The following EXOC6B variants were observed in gnomAD, a reference collection of about 807,000 sequenced individuals.
The protein encoded by EXOC6B is exocyst complex component 6B.
In EXOC6B, 54 loss-of-function variants were observed where a neutral mutation model predicts 113.5. That is an observed-to-expected ratio of 0.48 (90% CI 0.38 to 0.60). The LOEUF (loss-of-function observed/expected upper bound fraction) is 0.60, where lower values mean the gene tolerates loss of function less well. EXOC6B is among the 20% of genes least tolerant of loss of function. The pLI, the probability that EXOC6B is intolerant of heterozygous loss-of-function variation, is 0.00. For missense variants in EXOC6B, 797 were observed against 977.5 expected, an observed-to-expected ratio of 0.82 and a Z score of 2.46; for synonymous variants, 357 against 339.0, an observed-to-expected ratio of 1.05 and a Z score of -0.58.
chr2:72,508,184 A>AAAAAAAAAAAC lies in EXOC6B; in HGVS notation c.1167+4947_1167+4948insGTTTTTTTTTT, dbSNP rs923877882. On this transcript the variant is annotated intron_variant, in intron 11 of 21. Transcript: ENST00000272427. Reference sequence around the variant, plus strand: ...CCCGCAAAAAAAAAAAAAAAAAAAAAACACCTAAAAACAGTACTTTGATGG... The same window carrying AAAAAAAAAAAC: ...CCCGCAAAAAAAAAAAAAAAAAAAAAAAAAAAAAAACACACCTAAAAACAGTACTTTGATGG... Among the ~76,000 whole-genome samples the AAAAAAAAAAAC allele has an allele frequency of 9.8e-3, 866 of 88,552 alleles. 12 individuals carry two copies. Among genetic ancestry groups the AAAAAAAAAAAC allele is most frequent in the African/African-American group, 0.024 (348 of 14,754 alleles). The allele number at this position is 88,552 out of a possible 152,430, so 58.1% of individuals were successfully genotyped here.
intron 2 of EXOC6B, among the ~76,000 whole-genome samples, chr2:72,736,490 C>A (rs766373865): frequency 7.9e-5 from 12 of 152,112 alleles, no homozygotes; most frequent in Non-Finnish European, 1.8e-4. Context: ...AGACATTAAT[C>A]CCCTCTGCCC....
chr2:72,751,370 T>C (rs547898724), intron 1 of EXOC6B, among the ~76,000 whole-genome samples: 3 of 152,168 alleles, frequency 2.0e-5, no homozygotes, highest in Admixed American at 6.5e-5. Flanking sequence ...GCTGAAAGAG[T>C]TATTATCAGT....
At chr2:72,428,237 AC>A (rs1459907019) in intron 18 of EXOC6B, among the ~76,000 whole-genome samples, 1 of 151,968 alleles carries the variant, frequency 6.6e-6, no homozygotes, top group Non-Finnish European at 1.5e-5. Flanking sequence ...GCTGAAACAC[AC>A]CCCTTGTTCG....
intron 6 of EXOC6B, among the ~76,000 whole-genome samples, chr2:72,661,094 C>A (rs1477311911): frequency 1.3e-5 from 2 of 151,850 alleles, no homozygotes; most frequent in Non-Finnish European, 2.9e-5. Flanking sequence ...ACCTTTCTCC[C>A]CACTCTGGAG....
At chr2:72,681,030 C>T (rs115681930) in intron 6 of EXOC6B, among the ~76,000 whole-genome samples, 2,949 of 152,254 alleles carry the variant, frequency 0.019, 88 homozygotes, top group African/African-American at 0.066. Context: ...CACACACCCG[C>T]TTACATACAA....
intron 6 of EXOC6B, among the ~76,000 whole-genome samples, chr2:72,649,036 A>G (rs1673959544): frequency 6.6e-6 from 1 of 152,186 alleles, no homozygotes; most frequent in Admixed American, 6.5e-5. Flanking sequence ...GCTACTCAGG[A>G]GGCTGAGGTG....
At chr2:72,414,541 G>A (rs1161274190) in intron 18 of EXOC6B, among the ~76,000 whole-genome samples, 3 of 152,114 alleles carry the variant, frequency 2.0e-5, no homozygotes, top group Non-Finnish European at 2.9e-5. Flanking sequence ...CACATAACAG[G>A]GACAGAGGCC....
intron 1 of EXOC6B, among the ~76,000 whole-genome samples, chr2:72,822,765 T>C (rs1686652447): frequency 2.0e-5 from 3 of 152,086 alleles, no homozygotes; most frequent in African/African-American, 7.2e-5. Flanking sequence ...TCACGAACAG[T>C]TAAGAATCTG....
intron 6 of EXOC6B, among the ~76,000 whole-genome samples, chr2:72,658,252 A>G (rs1261545556): frequency 2.7e-5 from 4 of 147,340 alleles, no homozygotes; most frequent in African/African-American, 9.9e-5. Flanking sequence ...ATTACATACT[A>G]TATAAAAACT....
intron 6 of EXOC6B, among the ~76,000 whole-genome samples, chr2:72,662,921 A>C (rs560720649): frequency 2.6e-5 from 4 of 152,036 alleles, no homozygotes; most frequent in Admixed American, 6.6e-5. Context: ...ATAGGGTTTC[A>C]TGTTGGCAAG....
rs1051935974 is a variant in EXOC6B at position 72,648,110 on chromosome 2, G to T, written c.669+69993C>A. On this transcript the variant is annotated intron_variant, in intron 6 of 21. Coordinates refer to ENST00000272427, the MANE Select transcript of EXOC6B (RefSeq NM_015189.3). ...AAAAAGCAAATAATCCCATCAAAAA[G>T]TGGGCAAAGGATATGAACAGCCACT... Among the ~76,000 whole-genome samples the T allele has an allele frequency of 2.0e-5, 3 of 152,162 alleles. No homozygotes were observed. The East Asian group carries it at 5.8e-4, about 29-fold the overall frequency.
intron 6 of EXOC6B, among the ~76,000 whole-genome samples, chr2:72,656,265 T>C (rs1341860579): frequency 2.0e-5 from 3 of 152,006 alleles, no homozygotes. Flanking sequence ...CATTTCAAAT[T>C]AGTAGGAAAA....
intron 1 of EXOC6B, among the ~76,000 whole-genome samples, chr2:72,824,892 G>C (rs1187129422): frequency 6.6e-6 from 1 of 152,164 alleles, no homozygotes; most frequent in East Asian, 1.9e-4. Flanking sequence ...GGCTATCCGA[G>C]TAGGAATCTG....
chr2:72,236,456 C>A (rs987888128), intron 20 of EXOC6B, among the ~76,000 whole-genome samples: 1 of 152,122 alleles, frequency 6.6e-6, no homozygotes, highest in Non-Finnish European at 1.5e-5. Flanking sequence ...TTTCCAAAAT[C>A]GCCAAATATT....
intron 6 of EXOC6B, among the ~76,000 whole-genome samples, chr2:72,689,641 C>T (rs150192297): frequency 3.1e-4 from 47 of 152,262 alleles, no homozygotes; most frequent in African/African-American, 9.9e-4. Context: ...TGGCAAACTC[C>T]GGACTGCTGT....
chr2:72,748,170 C>T (rs1171094932), intron 1 of EXOC6B, among the ~76,000 whole-genome samples: 1 of 151,938 alleles, frequency 6.6e-6, no homozygotes, highest in Non-Finnish European at 1.5e-5. Context: ...ATGAACTGAA[C>T]ATTTTGGTTT....
At chr2:72,211,594 G>T (rs564259187) in intron 20 of EXOC6B, among the ~76,000 whole-genome samples, 1 of 152,208 alleles carries the variant, frequency 6.6e-6, no homozygotes, top group East Asian at 1.9e-4. Context: ...CCATAAGCTG[G>T]GTTTTATGGT....
chr2:72,811,205 G>T (rs1427513933), intron 1 of EXOC6B, among the ~76,000 whole-genome samples: 1 of 152,114 alleles, frequency 6.6e-6, no homozygotes, highest in African/African-American at 2.4e-5. Context: ...CAGCTACTCA[G>T]GAGGCTAACA....
At chr2:72,410,628 A>C (rs1287113098) in intron 18 of EXOC6B, among the ~76,000 whole-genome samples, 1 of 152,346 alleles carries the variant, frequency 6.6e-6, no homozygotes, top group East Asian at 1.9e-4. Flanking sequence ...CACATGTTAA[A>C]AGATATTACT....
Sources: allele counts gnomAD v4.1 joint callset (sites outside exome capture counted in the v4.1 genomes callset), GRCh38; gene constraint gnomAD v4.1.1; transcripts MANE v1.5; gene names NCBI Gene and HGNC (gene_info 2026-07-23, HGNC 2026-07-21).